The following RAD51B variants were observed in gnomAD, a reference collection of about 807,000 sequenced individuals.
The protein encoded by RAD51B is DNA repair protein RAD51 homolog 2.
RAD51B carries 38 observed loss-of-function variants against 42.2 expected under a neutral mutation model. The ratio of observed to expected loss-of-function variants is 0.90; its 90% CI spans 0.70 to 1.18. RAD51B has a LOEUF of 1.18. Ranked by LOEUF, RAD51B falls within the 50% of genes most tolerant of loss-of-function variation. RAD51B has a pLI of 0.00. For synonymous variants in RAD51B, 154 were observed against 145.2 expected (o/e 1.06, Z -0.43); for missense variants, 373 against 400.7 (o/e 0.93, Z 0.59).
At chr14:67,892,780 C>A (rs1483326306) in intron 7 of RAD51B, among the ~76,000 whole-genome samples, 1 of 152,124 alleles carries the variant, frequency 6.6e-6, no homozygotes, top group Non-Finnish European at 1.5e-5. Context: ...AGTGACTGAC[C>A]CTCAATAGAA....
chr14:68,126,101 A>G lies in RAD51B; in HGVS notation c.757-165783A>G, dbSNP rs1412330467. 2.0e-5 allele frequency among the ~76,000 whole-genome samples: 3 copies of G among 152,218 alleles called. No individual in the cohort carries two copies. The East Asian group carries it at 5.8e-4, about 29-fold the overall frequency. The stretch of plus-strand genomic sequence containing the variant: ...ATCTGATATGAATAACTTGGTTGCA[A>G]TAATTATAATAGAAGGGAGATTGAA... On this transcript the variant is annotated intron_variant, in intron 7 of 10. Transcript: ENST00000471583.
chr14:68,542,049 A>G (rs898874251), intron 10 of RAD51B, among the ~76,000 whole-genome samples: 2 of 152,236 alleles, frequency 1.3e-5, no homozygotes, highest in African/African-American at 2.4e-5. Flanking sequence ...ATTATAAAAC[A>G]TATACAAAAG....
At chr14:68,044,950 A>T (rs1231047673) in intron 7 of RAD51B, among the ~76,000 whole-genome samples, 3 of 152,142 alleles carry the variant, frequency 2.0e-5, no homozygotes, top group Non-Finnish European at 4.4e-5. Context: ...TAGAAAATTG[A>T]AATGACTGGC....
intron 7 of RAD51B, among the ~76,000 whole-genome samples, chr14:68,086,169 G>C (rs1044269615): frequency 6.6e-6 from 1 of 152,196 alleles, no homozygotes; most frequent in African/African-American, 2.4e-5. Flanking sequence ...AAGCCAGAAG[G>C]GGAATGGAGT....
chr14:68,163,987 T>C (rs1427729210), intron 7 of RAD51B, among the ~76,000 whole-genome samples: 1 of 152,168 alleles, frequency 6.6e-6, no homozygotes, highest in African/African-American at 2.4e-5. Context: ...TGAGAAGAAA[T>C]GTTCTTGAAG....
At chr14:68,668,851 C>T (rs1239234684) in intron 11 of RAD51B, among the ~76,000 whole-genome samples, 2 of 152,236 alleles carry the variant, frequency 1.3e-5, no homozygotes, top group African/African-American at 4.8e-5. Context: ...AGCTCAGGAT[C>T]TTCTCTGTGC....
Position 68,020,133 on chromosome 14 carries a change from G to A in RAD51B, c.756+132929G>A, listed in dbSNP as rs35355542. On this transcript the variant is annotated intron_variant, in intron 7 of 10. Transcript: ENST00000471583. ...TTTCTTTTCTTTCTTTTTCTTTAAC[G>A]GGGTCTCACTATCTCACCTAGACTG... 1.6e-4 allele frequency among the ~76,000 whole-genome samples: 25 copies of A among 151,958 alleles called. No individual in the cohort carries two copies. The East Asian group carries it at 4.3e-3, about 26-fold the overall frequency.
At chr14:68,656,430 G>A (rs558816804) in intron 11 of RAD51B, among the ~76,000 whole-genome samples, 46 of 144,348 alleles carry the variant, frequency 3.2e-4, no homozygotes, top group African/African-American at 1.2e-3. Context: ...TTCTCAATGG[G>A]GTAACTGAGG....
chr14:67,910,407 A>AAAG (rs2043934293), intron 7 of RAD51B, among the ~76,000 whole-genome samples: 2 of 70,532 alleles, frequency 2.8e-5, no homozygotes, highest in Non-Finnish European at 5.1e-5. Context: ...CTCTGTCTCA[A>AAAG]AAAAAAAAAA....
downstream of RAD51B, among the ~76,000 whole-genome samples, chr14:68,480,977 G>C (rs1282328045): frequency 2.0e-5 from 3 of 152,198 alleles, no homozygotes; most frequent in South Asian, 2.1e-4. Context: ...ACTCTCTTTG[G>C]GGGTAGTTCT....
At chr14:68,181,576 A>G (rs1417495103) in intron 7 of RAD51B, among the ~76,000 whole-genome samples, 3 of 152,212 alleles carry the variant, frequency 2.0e-5, no homozygotes, top group Admixed American at 2.0e-4. Flanking sequence ...TGCCCCCTCC[A>G]GTAGTGAAAT....
At chr14:68,334,449 A>G (rs961600028) in intron 8 of RAD51B, among the ~76,000 whole-genome samples, 3 of 152,222 alleles carry the variant, frequency 2.0e-5, no homozygotes, top group Non-Finnish European at 4.4e-5. Context: ...GAGTAGGCTG[A>G]AGAACAGGAG....
intron 8 of RAD51B, among the ~76,000 whole-genome samples, chr14:68,362,408 G>A (rs1594727651): frequency 1.3e-5 from 2 of 152,168 alleles, no homozygotes; most frequent in African/African-American, 2.4e-5. Context: ...GCAATCTGAT[G>A]ATGTAAGTGT....
chr14:68,184,639 GGAA>G (rs1279799753), intron 7 of RAD51B, among the ~76,000 whole-genome samples: 12 of 120,998 alleles, frequency 9.9e-5, no homozygotes, highest in East Asian at 8.0e-4. Context: ...AAAAAAAACA[GGAA>G]GAAGAAGAAG....
intron 8 of RAD51B, among the ~76,000 whole-genome samples, chr14:68,346,056 A>T (rs1180702274): frequency 1.3e-5 from 2 of 152,254 alleles, no homozygotes; most frequent in Non-Finnish European, 2.9e-5. Context: ...AACCTCACAG[A>T]AGAATTTCAG....
At chr14:67,912,708 G>GTTT (rs775992140) in intron 7 of RAD51B, among the ~76,000 whole-genome samples, 2 of 143,992 alleles carry the variant, frequency 1.4e-5, no homozygotes, top group African/African-American at 2.5e-5. Flanking sequence ...ACTTCTCTAA[G>GTTT]TTTTTTTTTT....
At chr14:67,856,771 A>T (rs1028027993) in intron 4 of RAD51B, among the ~76,000 whole-genome samples, 6 of 152,184 alleles carry the variant, frequency 3.9e-5, no homozygotes, top group Non-Finnish European at 8.8e-5. Flanking sequence ...CTTGGGAACA[A>T]TTCTCTTTCC....
intron 7 of RAD51B, among the ~76,000 whole-genome samples, chr14:67,961,484 C>T (rs770378500): frequency 5.9e-5 from 9 of 152,256 alleles, no homozygotes; most frequent in Non-Finnish European, 1.2e-4. Context: ...GCTGACATTG[C>T]TTACTTTCCT....
intron 10 of RAD51B, among the ~76,000 whole-genome samples, chr14:68,593,495 G>C (rs889226288): frequency 5.3e-5 from 8 of 152,214 alleles, no homozygotes; most frequent in African/African-American, 1.9e-4. Context: ...ATTAGGGCCT[G>C]TCTCTGTAGG....
Sources: gnomAD v4.1 joint callset for allele counts (sites outside exome capture counted in the v4.1 genomes callset) on GRCh38, gnomAD v4.1.1 for gene constraint, MANE v1.5 for transcripts, NCBI Gene and HGNC (gene_info 2026-07-23, HGNC 2026-07-21) for gene names.